Variants in CHRNA7 observed in about 807,000 individuals in gnomAD.
CHRNA7 encodes neuronal acetylcholine receptor subunit alpha-7.
CHRNA7 carries 17 observed loss-of-function variants against 48.0 expected under a neutral mutation model. The observed-to-expected ratio is 0.35, with a 90% CI of 0.24 to 0.53. The LOEUF (loss-of-function observed/expected upper bound fraction) is 0.53, where lower values mean the gene tolerates loss of function less well. Ranked by LOEUF, CHRNA7 falls within the 20% of genes least tolerant of loss-of-function variation. The pLI is 0.92. For missense variants in CHRNA7, 155 were observed against 577.7 expected (o/e 0.27, Z 7.50); for synonymous variants, 75 against 242.3 (o/e 0.31, Z 6.41).
chr15:32,076,266 C>T (rs2050134527), intron 2 of CHRNA7, among the ~76,000 whole-genome samples: 2 of 152,160 alleles, frequency 1.3e-5, no homozygotes, highest in Admixed American at 1.3e-4. Flanking sequence ...AAAGTATAAA[C>T]ATCTCCAGCT....
chr15:32,075,933 T>A (rs1183720138), intron 2 of CHRNA7, among the ~76,000 whole-genome samples: 1 of 152,192 alleles, frequency 6.6e-6, no homozygotes, highest in Non-Finnish European at 1.5e-5. Flanking sequence ...ATCTTGATTC[T>A]TTCTTTTTGA....
intron 4 of CHRNA7, among the ~76,000 whole-genome samples, chr15:32,136,963 C>T (rs71476584): frequency 6.9e-5 from 9 of 131,042 alleles, no homozygotes; most frequent in African/African-American, 9.0e-5. Flanking sequence ...ACCCGGGAGG[C>T]GGAGCTTGCA....
At chr15:32,103,574 C>G (rs2050610870) in intron 3 of CHRNA7, among the ~76,000 whole-genome samples, 1 of 152,140 alleles carries the variant, frequency 6.6e-6, no homozygotes, top group African/African-American at 2.4e-5. Flanking sequence ...CAGCATACTT[C>G]AGTGAGCATA....
chr15:32,048,382 TC>T (rs968195377), intron 2 of CHRNA7, among the ~76,000 whole-genome samples: 3 of 152,240 alleles, frequency 2.0e-5, no homozygotes, highest in Non-Finnish European at 2.9e-5. Flanking sequence ...TTCAACTTCT[TC>T]CTGGTTTAGT....
intron 2 of CHRNA7, among the ~76,000 whole-genome samples, chr15:32,083,349 A>C (rs1447687197): frequency 6.6e-6 from 1 of 152,214 alleles, no homozygotes; most frequent in Non-Finnish European, 1.5e-5. Context: ...ATGTTGTAGC[A>C]AGAAGCCCCA....
intron 2 of CHRNA7, among the ~76,000 whole-genome samples, chr15:32,086,815 G>A (rs1359439582): frequency 1.3e-5 from 2 of 152,034 alleles, no homozygotes; most frequent in Non-Finnish European, 2.9e-5. Context: ...AGTTAGAATG[G>A]AGTAATGTGT....
intron 2 of CHRNA7, among the ~76,000 whole-genome samples, chr15:32,033,570 G>A (rs1901945022): frequency 6.6e-6 from 1 of 152,204 alleles, no homozygotes; most frequent in Non-Finnish European, 1.5e-5. Context: ...TGACTTTCCT[G>A]AGATCCTGGA....
chr15:32,105,493 A>AG (rs200437388), intron 3 of CHRNA7, among the ~76,000 whole-genome samples: 3 of 139,884 alleles, frequency 2.1e-5, no homozygotes, highest in Admixed American at 6.9e-5. Flanking sequence ...AAGGAGGAGG[A>AG]GAGGAGGAAA....
At chr15:32,086,755 A>G (rs1431823691) in intron 2 of CHRNA7, among the ~76,000 whole-genome samples, 1 of 152,058 alleles carries the variant, frequency 6.6e-6, no homozygotes, top group Non-Finnish European at 1.5e-5. Flanking sequence ...CACTGGTCAG[A>G]TATTTTGTAA....
intron 4 of CHRNA7, among the ~76,000 whole-genome samples, chr15:32,148,533 C>T (rs989958544): frequency 2.6e-5 from 4 of 152,184 alleles, no homozygotes; most frequent in African/African-American, 7.2e-5. Flanking sequence ...GGAATGAGAC[C>T]AGGCACCATT....
chr15:32,031,001 C>G lies in CHRNA7; in HGVS notation c.159C>G (p.Val53=), dbSNP rs1901806863. 6.2e-7 allele frequency: 1 copy of G among 1,614,108 alleles called. No individual in the cohort carries two copies. Among genetic ancestry groups the G allele is most frequent in the African/African-American group, 1.3e-5 (1 of 74,960 alleles). ...CCAATGACTCGCAACCACTCACCGT[C>G]TACTTCTCCCTGAGCCTCCTGCAGA... ...PVANDSQPLT[V]YFSLSLLQIM... The change falls in exon 2 of 10, where the codon GTC becomes GTG. Residue 53 remains valine, a synonymous_variant. Transcript: ENST00000306901.
chr15:32,112,499 G>C, intron 4 of CHRNA7: 1 of 360,414 alleles, frequency 2.8e-6, no homozygotes, highest in South Asian at 2.1e-5. Context: ...CTGACTTGCA[G>C]ACCAGATGCC....
chr15:32,113,832 A>G (rs72715208), intron 4 of CHRNA7, among the ~76,000 whole-genome samples: 1,479 of 146,638 alleles, frequency 0.01, 14 homozygotes, highest in Middle Eastern at 0.017. Context: ...AGCCTGAGCA[A>G]TGTACGAGAC....
In CHRNA7 at chr15:32,030,901, C is replaced by G. The variant is rs754876538; in HGVS notation, c.59C>G (p.Ser20Cys). The change falls in exon 2 of 10, where the codon TCC becomes TGC. Residue 20 changes from serine (S) to cysteine (C), a missense_variant. Ser to Cys is a moderately radical substitution (Grantham distance 112). Transcript: ENST00000306901. ...LALAASLLHV[S>C]LQGEFQRKLY... is the part of the protein sequence containing the mutation. ...GCCCGGGTCTTCTCTCCTTAAGTGT[C>G]CCTGCAAGGCGAGTTCCAGAGGAAG... 2 of 1,613,932 alleles carry G rather than the reference C, an allele frequency of 1.2e-6. No homozygotes were observed. The highest frequency in any genetic ancestry group is 1.7e-6 in the Non-Finnish European group (2 of 1,179,982).
chr15:32,030,676 A>C (rs756866825), intron 1 of CHRNA7, 27 bp downstream of exon 1: 1 of 1,561,780 alleles, frequency 6.4e-7, no homozygotes, highest in South Asian at 1.2e-5. Context: ...CCCGCCCTCC[A>C]CTCCTCCGTG....
intron 2 of CHRNA7, among the ~76,000 whole-genome samples, chr15:32,039,023 T>G (rs973418390): frequency 6.6e-6 from 1 of 152,172 alleles, no homozygotes; most frequent in Non-Finnish European, 1.5e-5. Context: ...TAGTCCATTT[T>G]ATCTAGGTTA....
rs74243780 is a variant in CHRNA7 at position 32,131,545 on chromosome 15, A to G, written c.350+19646A>G. 8.6e-5 allele frequency among the ~76,000 whole-genome samples: 13 copies of G among 151,900 alleles called. No individual in the cohort carries two copies. The South Asian group carries it at 2.7e-3, about 32-fold the overall frequency. On this transcript the variant is annotated intron_variant, in intron 4 of 9. Transcript: ENST00000306901. ...CATTTAGTTTTTCTTTATATCTTCTATTTATTTGTTGAGACTTTCTATTTT... is the reference window on the plus strand; with the variant it reads ...CATTTAGTTTTTCTTTATATCTTCTGTTTATTTGTTGAGACTTTCTATTTT...
chr15:32,111,061 G>A (rs952670553), intron 3 of CHRNA7: 1 of 152,264 alleles, frequency 6.6e-6, no homozygotes, highest in Non-Finnish European at 1.5e-5. Flanking sequence ...TGCAGAGCTT[G>A]TGGGCTCCAG....
intron 2 of CHRNA7, among the ~76,000 whole-genome samples, chr15:32,083,474 C>G (rs1413383829): frequency 2.0e-5 from 3 of 152,086 alleles, no homozygotes. Context: ...ACAAAACAGA[C>G]CAAGACACTT....
Sources: gnomAD v4.1 joint callset for allele counts (sites outside exome capture counted in the v4.1 genomes callset) on GRCh38, gnomAD v4.1.1 for gene constraint, MANE v1.5 for transcripts, NCBI Gene and HGNC (gene_info 2026-07-23, HGNC 2026-07-21) for gene names.